The following NBAS variants were observed in gnomAD, a reference collection of about 807,000 sequenced individuals.
NBAS encodes NBAS subunit of NRZ tethering complex.
NBAS carries 219 observed loss-of-function variants against 302.5 expected under a neutral mutation model. The ratio of observed to expected loss-of-function variants is 0.72; its 90% CI spans 0.65 to 0.81. The LOEUF (loss-of-function observed/expected upper bound fraction) is 0.81, where lower values mean the gene tolerates loss of function less well. NBAS is among the 30% of genes least tolerant of loss of function. NBAS has a pLI of 0.00. For missense variants in NBAS, 2,932 were observed against 2,841.6 expected (o/e 1.03, Z -0.72); for synonymous variants, 1,118 against 1,021.6 (o/e 1.09, Z -1.80).
intron 47 of NBAS, among the ~76,000 whole-genome samples, chr2:15,225,748 C>A (rs750859629): frequency 3.5e-4 from 53 of 152,140 alleles, no homozygotes; most frequent in Non-Finnish European, 6.3e-4. Context: ...AGGAATTCTG[C>A]ATTAATTACC....
intron 30 of NBAS, among the ~76,000 whole-genome samples, chr2:15,375,738 T>C (rs1227683342): frequency 6.6e-6 from 1 of 152,172 alleles, no homozygotes; most frequent in Non-Finnish European, 1.5e-5. Context: ...TCGCACATGC[T>C]CAAAGACATA....
At chr2:15,264,925 C>T (rs201694274) in intron 44 of NBAS, among the ~76,000 whole-genome samples, 1 of 152,108 alleles carries the variant, frequency 6.6e-6, no homozygotes, top group East Asian at 1.9e-4. Flanking sequence ...GGCATTAGTT[C>T]CCCTTATTAT....
At chr2:14,953,235 G>A in the NBAS span, among the ~76,000 whole-genome samples, 10 of 152,164 alleles carry the variant, frequency 6.6e-5, no homozygotes, top group Admixed American at 5.2e-4. Flanking sequence ...GAGAGACAGA[G>A]CACCATTTGG....
the NBAS span, among the ~76,000 whole-genome samples, chr2:14,860,481 A>C: frequency 6.6e-6 from 1 of 152,214 alleles, no homozygotes; most frequent in Non-Finnish European, 1.5e-5. Flanking sequence ...ATATAAACAC[A>C]ATGGAATATT....
the NBAS span, among the ~76,000 whole-genome samples, chr2:14,962,858 C>T: frequency 2.6e-5 from 4 of 151,406 alleles, no homozygotes; most frequent in Non-Finnish European, 5.9e-5. Context: ...GTTGCTGTTG[C>T]AAAAGGGGAT....
chr2:14,875,895 G>A, the NBAS span, among the ~76,000 whole-genome samples: 4 of 152,156 alleles, frequency 2.6e-5, no homozygotes, highest in African/African-American at 4.8e-5. Context: ...CAATGGCTGC[G>A]TATCATGAGA....
the NBAS span, among the ~76,000 whole-genome samples, chr2:14,796,919 CAAAAAAAA>C: frequency 1.7e-4 from 15 of 86,508 alleles, no homozygotes; most frequent in Non-Finnish European, 2.8e-4. Context: ...CTAAAAAATA[CAAAAAAAA>C]AAAAAAAAAA....
At chr2:15,368,500 G>A (rs73198604) in intron 31 of NBAS, among the ~76,000 whole-genome samples, 1,910 of 152,164 alleles carry the variant, frequency 0.013, 36 homozygotes, top group African/African-American at 0.043. Context: ...ACCTGGCCTA[G>A]ACTCTCTTAA....
the NBAS span, among the ~76,000 whole-genome samples, chr2:14,859,140 T>A: frequency 0.024 from 3,599 of 152,006 alleles, 61 homozygotes; most frequent in Non-Finnish European, 0.039. Context: ...AAGTGAAAGA[T>A]TTATATAAGA....
the NBAS span, among the ~76,000 whole-genome samples, chr2:14,970,398 A>G: frequency 2.0e-5 from 3 of 152,134 alleles, no homozygotes; most frequent in Non-Finnish European, 2.9e-5. Context: ...TGAAATTCAC[A>G]CTCCATCACT....
In NBAS at chr2:15,409,584, TAC is replaced by T. The variant is rs146445578; in HGVS notation, c.2937+5960_2937+5961del. Among the ~76,000 whole-genome samples, 773 of 152,348 alleles carry T rather than the reference TAC, an allele frequency of 5.1e-3. 10 individuals are homozygous for T. Among genetic ancestry groups the T allele is most frequent in the African/African-American group, 0.017 (715 of 41,574 alleles). The stretch of plus-strand genomic sequence containing the variant: ...CCATTTAATGTTTTGCTTTTATTAT[TAC>T]AGTTTCAAATCTAGAAGTTCTATGT... On this transcript the variant is annotated intron_variant, in intron 25 of 51. Coordinates refer to ENST00000281513, the MANE Select transcript of NBAS (RefSeq NM_015909.4).
Position 15,396,433 on chromosome 2 carries a change from G to T in NBAS, c.3114C>A (p.Asp1038Glu), listed in dbSNP as rs747048555. The T allele has an allele frequency of 1.2e-5, 20 of 1,604,690 alleles. No homozygotes were observed. In the East Asian group the frequency reaches 4.3e-4, roughly 34 times the overall value. ...CTCACCTGAGAATTTGTTCCAGTTGGTCTACCATGTCATGAAGCTTTGTGG... is the reference window on the plus strand; with the variant it reads ...CTCACCTGAGAATTTGTTCCAGTTGTTCTACCATGTCATGAAGCTTTGTGG... ...EATTKLHDMV[D>E]QLEQILSVSE... The change falls in exon 27 of 52, where the codon GAC (aspartate) becomes GAA (glutamate). Residue 1038 changes from aspartate to glutamate, a missense_variant. Asp to Glu is a conservative substitution (Grantham distance 45, BLOSUM62 2). Coordinates refer to ENST00000281513, the MANE Select transcript of NBAS (RefSeq NM_015909.4).
chr2:14,822,094 T>A, the NBAS span, among the ~76,000 whole-genome samples: 1 of 152,092 alleles, frequency 6.6e-6, no homozygotes, highest in African/African-American at 2.4e-5. Flanking sequence ...AATGCGATCA[T>A]CCTATGTGGT....
At chr2:14,856,016 G>T in the NBAS span, among the ~76,000 whole-genome samples, 1 of 152,182 alleles carries the variant, frequency 6.6e-6, no homozygotes, top group Non-Finnish European at 1.5e-5. Flanking sequence ...CATAGTTGCG[G>T]TGGCCATAGA....
the NBAS span, among the ~76,000 whole-genome samples, chr2:14,835,235 A>G: frequency 6.6e-6 from 1 of 152,024 alleles, no homozygotes; most frequent in African/African-American, 2.4e-5. Flanking sequence ...AACTATCAGT[A>G]GAAGTGTCCA....
At chr2:15,257,242 CAG>C (rs1396095331) in intron 44 of NBAS, among the ~76,000 whole-genome samples, 1 of 152,068 alleles carries the variant, frequency 6.6e-6, no homozygotes, top group Non-Finnish European at 1.5e-5. Flanking sequence ...TTTGTCTGTT[CAG>C]AGTTTCTATT....
At chr2:15,137,000 G>C in the NBAS span, among the ~76,000 whole-genome samples, 1 of 152,246 alleles carries the variant, frequency 6.6e-6, no homozygotes, top group East Asian at 1.9e-4. Context: ...CCTAGTCTCA[G>C]GTAGTTCTTG....
chr2:15,144,958 A>G, the NBAS span, among the ~76,000 whole-genome samples: 3 of 151,340 alleles, frequency 2.0e-5, no homozygotes, highest in Non-Finnish European at 4.4e-5. Flanking sequence ...GCTGGCTTAG[A>G]GGCTACTAGA....
chr2:15,428,975 TCA>T (rs1677621029), intron 21 of NBAS, among the ~76,000 whole-genome samples: 2 of 150,298 alleles, frequency 1.3e-5, no homozygotes, highest in Admixed American at 6.6e-5. Context: ...GAGGCAGAGC[TCA>T]CAGTGAGCTC....
Sources: allele counts gnomAD v4.1 joint callset (sites outside exome capture counted in the v4.1 genomes callset), GRCh38; gene constraint gnomAD v4.1.1; transcripts MANE v1.5; gene names NCBI Gene and HGNC (gene_info 2026-07-23, HGNC 2026-07-21).